Variants in IQANK1 observed in about 807,000 individuals in gnomAD.
IQANK1 encodes IQ motif and ankyrin repeat containing 1.
IQANK1 carries 30 observed loss-of-function variants against 22.6 expected under a neutral mutation model. The ratio of observed to expected loss-of-function variants is 1.33; its 90% CI spans 0.99 to 1.80. IQANK1 has a LOEUF of 1.80. IQANK1 is among the 40% of genes most tolerant of loss of function. IQANK1 has a pLI of 0.00. For missense variants in IQANK1, 275 were observed against 235.2 expected (o/e 1.17, Z -1.11); for synonymous variants, 122 against 99.6 (o/e 1.23, Z -1.34).
At chr8:143,750,164 A>G (rs1321289535) in intron 3 of IQANK1, among the ~76,000 whole-genome samples, 2 of 151,604 alleles carry the variant, frequency 1.3e-5, no homozygotes, top group Non-Finnish European at 2.9e-5. Context: ...ACGCCCAGCT[A>G]ATTTTGTATT....
At chr8:143,786,318 C>T (rs1162505304) in intron 7 of IQANK1, among the ~76,000 whole-genome samples, 1 of 152,194 alleles carries the variant, frequency 6.6e-6, no homozygotes, top group Non-Finnish European at 1.5e-5. Context: ...TGAAGCTAAG[C>T]TGAAGTCAAC....
At position 143,790,007 on chromosome 8, in the gene IQANK1, C is replaced by G; in HGVS notation, c.1232C>G (p.Thr411Ser). ...EEAPGLKCQV[T>S]ELHDVLMKDV... ...GCGCCTGGGCTGAAGTGCCAGGTCA[C>G]CGAGCTGCACGATGTGCTGATGAAA... is the stretch of plus-strand genomic sequence containing the variant. The change falls in exon 12 of 14, where the codon ACC becomes AGC. Residue 411 changes from threonine (T) to serine (S), a missense_variant. Transcript: ENST00000527139. 8.1e-7 allele frequency: 1 copy of G among 1,232,056 alleles called. No individual in the cohort carries two copies. Among genetic ancestry groups the G allele is most frequent in the Non-Finnish European group, 1.0e-6 (1 of 988,008 alleles). 76.3% of individuals were successfully genotyped at this position (1,232,056 alleles called of 1,614,324 possible).
chr8:143,765,505 C>T (rs1264295224), intron 3 of IQANK1, among the ~76,000 whole-genome samples: 7 of 152,142 alleles, frequency 4.6e-5, no homozygotes, highest in African/African-American at 1.4e-4. Context: ...AATGTGTTTT[C>T]AAAGGTTTAT....
chr8:143,739,670 G>C (rs926717122), intron 2 of IQANK1, among the ~76,000 whole-genome samples, 189 bp from the exon 3 acceptor site: 1 of 152,222 alleles, frequency 6.6e-6, no homozygotes. Context: ...CTGTGCAGTG[G>C]AGTATGTGCT....
chr8:143,736,689 C>T (rs933168955), intron 2 of IQANK1, among the ~76,000 whole-genome samples: 7 of 152,174 alleles, frequency 4.6e-5, no homozygotes, highest in Non-Finnish European at 1.0e-4. Flanking sequence ...TGCGGCTTTG[C>T]TCCCAGTCAC....
intron 7 of IQANK1, among the ~76,000 whole-genome samples, chr8:143,779,609 C>T (rs1819757473): frequency 6.6e-6 from 1 of 152,184 alleles, no homozygotes; most frequent in African/African-American, 2.4e-5. Flanking sequence ...TTAAGACACT[C>T]GTAAGTTTAC....
chr8:143,740,235 G>A (rs1818868976), intron 3 of IQANK1, among the ~76,000 whole-genome samples: 1 of 151,924 alleles, frequency 6.6e-6, no homozygotes, highest in Non-Finnish European at 1.5e-5. Flanking sequence ...CCTACCCTGC[G>A]CCACTCGCCC....
At chr8:143,748,951 A>C (rs1411745971) in intron 3 of IQANK1, among the ~76,000 whole-genome samples, 1 of 114,368 alleles carries the variant, frequency 8.7e-6, no homozygotes, top group East Asian at 2.6e-4. Context: ...ACATATATCT[A>C]TATATAAATA....
At chr8:143,784,118 A>T (rs1819843953) in intron 7 of IQANK1, among the ~76,000 whole-genome samples, 1 of 152,088 alleles carries the variant, frequency 6.6e-6, no homozygotes, top group Non-Finnish European at 1.5e-5. Flanking sequence ...AGATCTCACC[A>T]TAGCCTCTAC....
At chr8:143,754,059 A>G (rs1819243856) in intron 3 of IQANK1, among the ~76,000 whole-genome samples, 1 of 151,922 alleles carries the variant, frequency 6.6e-6, no homozygotes, top group Non-Finnish European at 1.5e-5. Context: ...TTTCCCCAGT[A>G]TATACAGTTG....
In IQANK1 at chr8:143,790,140, G is replaced by C. The variant is rs1002760983; in HGVS notation, c.1293G>C (p.Trp431Cys). The C allele has an allele frequency of 1.6e-6, 2 of 1,232,054 alleles. No individual in the cohort carries two copies. Among genetic ancestry groups the C allele is most frequent in the East Asian group, 3.2e-5 (1 of 31,708 alleles). 76.3% of individuals were successfully genotyped at this position (1,232,054 alleles called of 1,614,324 possible). The change falls in exon 13 of 14, where the codon TGG becomes TGC. Residue 431 changes from tryptophan (W) to cysteine (C), a missense_variant. Physicochemically the swap from Trp to Cys is radical, Grantham distance 215. Coordinates refer to ENST00000527139, the MANE Select transcript of IQANK1 (RefSeq NM_001381874.1). ...GTGACCTGATGGGTGTCCCCAGGTG[G>C]CCTCTTGTTATTGACCCTTTGGGCC... ...VGNRIRADGRWPLVIDPLGQA... is the reference protein window; with the variant it reads ...VGNRIRADGRCPLVIDPLGQA...
chr8:143,756,671 A>G (rs1819298330), intron 3 of IQANK1, among the ~76,000 whole-genome samples: 1 of 152,052 alleles, frequency 6.6e-6, no homozygotes, highest in Non-Finnish European at 1.5e-5. Flanking sequence ...AGCAAACCAG[A>G]GTTTTTTTCT....
chr8:143,762,120 A>G (rs1488274031), intron 3 of IQANK1, among the ~76,000 whole-genome samples: 1 of 152,146 alleles, frequency 6.6e-6, no homozygotes, highest in Non-Finnish European at 1.5e-5. Flanking sequence ...CTTTGTAACT[A>G]TTTAAACTTG....
Position 143,739,939 on chromosome 8 carries a change from G to A in IQANK1, c.166G>A (p.Ala56Thr). Residue 56 changes from alanine to threonine, a missense_variant, in exon 3 of 14, where the codon GCC becomes ACC. By Grantham distance (58) the Ala-to-Thr change is moderately conservative (BLOSUM62 0). Transcript: ENST00000527139. ...GCCCGCGTCGGCTGAGAGCCCACAG[G>A]CCCCCACAGGTGAGAGCCCGCACGT... ...REPASAESPQAPTGPAEDRAA... is the reference protein window; with the variant it reads ...REPASAESPQTPTGPAEDRAA... 1.4e-6 allele frequency: 1 copy of A among 698,200 alleles called. No individual in the cohort carries two copies. Among genetic ancestry groups the A allele is most frequent in the Non-Finnish European group, 2.6e-6 (1 of 382,988 alleles). 43.3% of individuals were successfully genotyped at this position (698,200 alleles called of 1,614,324 possible). A position where few individuals can be genotyped will look rare whatever the true frequency, so the allele number is the denominator to read the frequency against.
At chr8:143,757,150 A>G (rs535072331) in intron 3 of IQANK1, among the ~76,000 whole-genome samples, 1 of 152,318 alleles carries the variant, frequency 6.6e-6, no homozygotes, top group Admixed American at 6.5e-5. Context: ...GTGGTGAAGC[A>G]GGTGGCATTG....
rs1478969708 is a variant in IQANK1, at chr8:143,735,846, C to T, written c.-4-4C>T. On this transcript the variant is annotated splice_region_variant and splice_polypyrimidine_tract_variant and intron_variant, in intron 1 of 13. Coordinates refer to ENST00000527139, the MANE Select transcript of IQANK1 (RefSeq NM_001381874.1). This position sits in a 1 kb window ranked among gnomAD's most constrained non-coding sequence, Gnocchi z 5.2. The stretch of plus-strand genomic sequence containing the variant: ...TCCCTGGTCCTTCCCTACCCACCCC[C>T]CAGGAGAATGGACAGTAAGAAGGGG... The T allele has an allele frequency of 8.5e-6, 6 of 702,530 alleles. No individual in the cohort carries two copies. Among genetic ancestry groups the T allele is most frequent in the Admixed American group, 2.0e-5 (1 of 49,968 alleles). The allele number at this position is 702,530 out of a possible 1,614,324, so 43.5% of individuals were successfully genotyped here.
chr8:143,781,943 C>T (rs966643755), intron 7 of IQANK1, among the ~76,000 whole-genome samples: 7 of 152,138 alleles, frequency 4.6e-5, no homozygotes, highest in Admixed American at 4.6e-4. Context: ...TTCTTCCTAT[C>T]CGTGAGCATG....
intron 2 of IQANK1, among the ~76,000 whole-genome samples, chr8:143,736,807 G>A (rs1401457747): frequency 7.5e-6 from 1 of 133,894 alleles, no homozygotes; most frequent in Non-Finnish European, 1.6e-5. Flanking sequence ...CCCCAGCCCC[G>A]CCTTCACTGT....
At chr8:143,749,046 T>C (rs1293947212) in intron 3 of IQANK1, among the ~76,000 whole-genome samples, 2 of 121,562 alleles carry the variant, frequency 1.6e-5, no homozygotes, top group Admixed American at 9.8e-5. Flanking sequence ...ATATATATCA[T>C]ATATTAAATA....
Sources: gnomAD v4.1 joint callset for allele counts (sites outside exome capture counted in the v4.1 genomes callset) on GRCh38, gnomAD v4.1.1 for gene constraint, Gnocchi (gnomAD v3.1) non-coding constraint, MANE v1.5 for transcripts, NCBI Gene and HGNC (gene_info 2026-07-23, HGNC 2026-07-21) for gene names.